The following AP3B1 variants were observed in gnomAD, a reference collection of about 807,000 sequenced individuals.
The protein encoded by AP3B1 is adaptor related protein complex 3 subunit beta 1, also known as AP-3 complex subunit beta-1.
A neutral mutation model predicts 132.5 loss-of-function variants in AP3B1; 61 were observed. The observed-to-expected ratio is 0.46, with a 90% CI of 0.37 to 0.57. The LOEUF (loss-of-function observed/expected upper bound fraction) is 0.57. Among genes scored for constraint, AP3B1 ranks in the 20% least tolerant of loss-of-function variants. The pLI, the probability that AP3B1 is intolerant of heterozygous loss-of-function variation, is 0.00. For synonymous variants in AP3B1, 388 were observed against 438.3 expected, an observed-to-expected ratio of 0.89 and a Z score of 1.43; for missense variants, 1,120 against 1,289.4, an observed-to-expected ratio of 0.87 and a Z score of 2.01.
At chr5:78,213,339 C>T (rs374733689) in intron 7 of AP3B1, among the ~76,000 whole-genome samples, 77 of 152,284 alleles carry the variant, frequency 5.1e-4, no homozygotes, top group African/African-American at 1.8e-3. Context: ...CAGAGGAAGC[C>T]TGAGATGGGT....
intron 15 of AP3B1, among the ~76,000 whole-genome samples, chr5:78,131,262 T>A (rs938842734): frequency 5.9e-5 from 9 of 151,910 alleles, no homozygotes; most frequent in South Asian, 2.1e-4. Flanking sequence ...TAAGTTTTTT[T>A]AAAAAAATAA....
At chr5:78,251,921 C>T (rs947207406) in intron 2 of AP3B1, among the ~76,000 whole-genome samples, 1 of 152,164 alleles carries the variant, frequency 6.6e-6, no homozygotes, top group Non-Finnish European at 1.5e-5. Flanking sequence ...AAAAGAGACC[C>T]CTCCCTTCCA....
At chr5:78,238,207 C>A (rs961207306) in intron 3 of AP3B1, among the ~76,000 whole-genome samples, 1 of 152,160 alleles carries the variant, frequency 6.6e-6, no homozygotes, top group Admixed American at 6.5e-5. Context: ...AAACTGCACA[C>A]AAGAGGGATC....
chr5:78,085,749 G>A (rs892629896), intron 22 of AP3B1, among the ~76,000 whole-genome samples: 3 of 152,052 alleles, frequency 2.0e-5, no homozygotes, highest in African/African-American at 7.2e-5. Flanking sequence ...TAAAGTAACT[G>A]TTAACCATGG....
At chr5:78,279,355 A>G (rs1336598082) in intron 1 of AP3B1, among the ~76,000 whole-genome samples, 9 of 152,204 alleles carry the variant, frequency 5.9e-5, no homozygotes, top group Non-Finnish European at 1.0e-4. Flanking sequence ...TTAGTATCAC[A>G]AAGTCTCTAT....
At chr5:78,154,874 T>C (rs913962784) in intron 14 of AP3B1, among the ~76,000 whole-genome samples, 7 of 152,234 alleles carry the variant, frequency 4.6e-5, no homozygotes, top group Non-Finnish European at 1.0e-4. Context: ...TTGAATTTCT[T>C]TGAGTTTTCT....
chr5:78,181,606 C>T lies in AP3B1; in HGVS notation c.843G>A (p.Lys281=). 1 of 1,612,194 alleles carries T rather than the reference C, an allele frequency of 6.2e-7. No homozygotes were observed. The highest frequency in any genetic ancestry group is 8.5e-7 in the Non-Finnish European group (1 of 1,179,092). The part of the protein sequence containing the change: ...KNFYESDDDQ[K]EKTDKKKKPY... ...GCTTCTTCTTTTTGTCAGTCTTTTC[C>T]TTCTGATCATCATCAGATTCGTAGA... Residue 281 remains lysine (K), a synonymous_variant, in exon 8 of 27, where the codon AAG becomes AAA. Transcript: ENST00000255194.
rs199921749 is a variant in AP3B1 at position 78,223,027 on chromosome 5, C to G, written c.603+2515G>C. Reference sequence around the variant, plus strand: ...TGTTTTTTTGTTTGTTTGTTTGTTTCTTTTTTTTTTTTTGTAGAGACAAGG... The same window carrying G: ...TGTTTTTTTGTTTGTTTGTTTGTTTGTTTTTTTTTTTTTGTAGAGACAAGG... On this transcript the variant is annotated intron_variant, in intron 6 of 26. Coordinates refer to ENST00000255194, the MANE Select transcript of AP3B1 (RefSeq NM_003664.5). Among the ~76,000 whole-genome samples the G allele has an allele frequency of 2.3e-4, 30 of 127,816 alleles. No individual in the cohort carries two copies. In the East Asian group the frequency reaches 3.2e-3, roughly 14 times the overall value. 83.9% of individuals were successfully genotyped at this position (127,816 alleles called of 152,430 possible).
intron 22 of AP3B1, among the ~76,000 whole-genome samples, chr5:78,039,887 C>A (rs1747996600): frequency 7.1e-6 from 1 of 141,416 alleles, no homozygotes; most frequent in Non-Finnish European, 1.5e-5. Flanking sequence ...TGCTGGGGGG[C>A]AGGGATTTAT....
intron 22 of AP3B1, among the ~76,000 whole-genome samples, chr5:78,088,651 C>T (rs1750369730): frequency 1.3e-5 from 2 of 152,146 alleles, no homozygotes; most frequent in African/African-American, 4.8e-5. Flanking sequence ...GCTACCTATG[C>T]CCATCAAAGC....
At chr5:78,142,122 C>T (rs1753173312) in intron 14 of AP3B1, among the ~76,000 whole-genome samples, 2 of 152,084 alleles carry the variant, frequency 1.3e-5, no homozygotes, top group Non-Finnish European at 2.9e-5. Context: ...ACAAAAGAAA[C>T]AGGGATAAAT....
At chr5:78,261,464 G>GTTGTT (rs1380631227) in intron 2 of AP3B1, among the ~76,000 whole-genome samples, 2 of 151,762 alleles carry the variant, frequency 1.3e-5, no homozygotes, top group Non-Finnish European at 1.5e-5. Flanking sequence ...TTTTGTTGTT[G>GTTGTT]TTGTTTTGTT....
chr5:78,063,095 T>C (rs754643628), intron 22 of AP3B1, among the ~76,000 whole-genome samples: 1 of 152,226 alleles, frequency 6.6e-6, no homozygotes, highest in Admixed American at 6.5e-5. Flanking sequence ...CAAAACAGCA[T>C]GCTGTCCCAC....
intron 7 of AP3B1, among the ~76,000 whole-genome samples, chr5:78,213,289 C>A (rs1384999218): frequency 6.6e-6 from 1 of 152,218 alleles, no homozygotes; most frequent in African/African-American, 2.4e-5. Context: ...CTACACTGCT[C>A]ACTCCAAAGT....
In AP3B1 at chr5:78,227,442, T is replaced by C. The variant is rs1424373279; in HGVS notation, c.466A>G (p.Lys156Glu). ...IIVPIMMLAI[K>E]EASADLSPYV... is the part of the protein sequence containing the mutation. Reference sequence around the variant, plus strand: ...GGTGATAAGTCAGCAGAAGCTTCCTTAATAGCAAGCATCATGATAGGTACA... The same window carrying C: ...GGTGATAAGTCAGCAGAAGCTTCCTCAATAGCAAGCATCATGATAGGTACA... Residue 156 changes from lysine (K) to glutamate (E), a missense_variant, in exon 5 of 27, where the codon AAG (lysine) becomes GAG (glutamate). Transcript: ENST00000255194. 33 of 1,613,560 alleles carry C rather than the reference T, an allele frequency of 2.0e-5. No individual in the cohort carries two copies. Among genetic ancestry groups the C allele is most frequent in the African/African-American group, 2.7e-5 (2 of 74,914 alleles).
intron 7 of AP3B1, among the ~76,000 whole-genome samples, chr5:78,191,987 A>G (rs1046579007): frequency 2.4e-4 from 37 of 152,080 alleles, no homozygotes; most frequent in African/African-American, 7.2e-4. Flanking sequence ...CAGCCTCCTG[A>G]GTAGCTAGGG....
chr5:78,247,120 T>TA (rs1747409278), intron 2 of AP3B1, among the ~76,000 whole-genome samples: 2 of 151,604 alleles, frequency 1.3e-5, no homozygotes, highest in Non-Finnish European at 2.9e-5. Context: ...TTCAAATATT[T>TA]TAAAAAAATT....
In AP3B1 at chr5:78,267,515, C is replaced by T; in HGVS notation, c.204+5G>A. 2 of 1,603,138 alleles carry T rather than the reference C, an allele frequency of 1.2e-6. No individual in the cohort carries two copies. Among genetic ancestry groups the T allele is most frequent in the Non-Finnish European group, 1.7e-6 (2 of 1,171,854 alleles). ...AAAATTGAAGTAAATGAGTATTTTA[C>T]CTACCCCAACAATCCGCTTCATAGC... is the stretch of plus-strand genomic sequence containing the variant. On this transcript the variant is annotated splice_donor_5th_base_variant and intron_variant, in intron 2 of 26. Coordinates refer to ENST00000255194, the MANE Select transcript of AP3B1 (RefSeq NM_003664.5).
intron 22 of AP3B1, among the ~76,000 whole-genome samples, chr5:78,047,060 C>A (rs951419153): frequency 6.6e-6 from 1 of 152,154 alleles, no homozygotes; most frequent in African/African-American, 2.4e-5. Flanking sequence ...CATAGTATTC[C>A]ATGGTGTATG....
Sources: gnomAD v4.1 joint callset for allele counts (sites outside exome capture counted in the v4.1 genomes callset) on GRCh38, gnomAD v4.1.1 for gene constraint, MANE v1.5 for transcripts, NCBI Gene and HGNC (gene_info 2026-07-23, HGNC 2026-07-21) for gene names.